AIM2: variants seen among roughly 807,000 people sequenced by gnomAD.
AIM2 encodes the protein absent in melanoma 2.
In AIM2, 30 loss-of-function variants were observed where a neutral mutation model predicts 27.7. The ratio of observed to expected loss-of-function variants is 1.08; its 90% CI spans 0.81 to 1.47. The LOEUF (loss-of-function observed/expected upper bound fraction) is 1.47. Ranked by LOEUF, AIM2 falls within the 40% of genes most tolerant of loss-of-function variation. The probability of loss-of-function intolerance (pLI) is 0.00; values close to 1 mark genes in which losing one functional copy is unlikely to be tolerated. For synonymous variants in AIM2, 141 were observed against 145.3 expected, an observed-to-expected ratio of 0.97 and a Z score of 0.21; for missense variants, 358 against 411.3, an observed-to-expected ratio of 0.87 and a Z score of 1.12.
In AIM2 at chr1:159,073,223, G is replaced by A. The variant is rs1225024945; in HGVS notation, c.262+15C>T. 17 of 1,613,472 alleles carry A rather than the reference G, an allele frequency of 1.1e-5. No homozygotes were observed. The highest frequency in any genetic ancestry group is 7.7e-5 in the South Asian group (7 of 91,086). On this transcript the variant is annotated intron_variant, in intron 2 of 5. Transcript: ENST00000368130. ...CAGAAAAAGGGACGGGGCAGGTGTG[G>A]AACTCCCACATTACCTTTCTCCTTC...
At chr1:159,062,295 T>C (rs1655863020), downstream of AIM2, among the ~76,000 whole-genome samples, 1 of 152,250 alleles carries the variant, frequency 6.6e-6, no homozygotes, top group South Asian at 2.1e-4. Flanking sequence ...TTTCAAATAA[T>C]ACTGCGCTGC....
chr1:159,076,489 C>G (rs1656614951), intron 1 of AIM2, 144 bp downstream of exon 1: 1 of 152,196 alleles, frequency 6.6e-6, no homozygotes, highest in Non-Finnish European at 1.5e-5. Context: ...GAAATGAACC[C>G]ATCCTTTCAG....
At chr1:159,124,783 T>C (rs2814780) in intron 1 of AIM2, among the ~76,000 whole-genome samples, 121,760 of 152,076 alleles carry the variant, frequency 0.8, 50,545 homozygotes, top group East Asian at 0.93. Flanking sequence ...TCTCCCCAGC[T>C]CAGTAGAGCA....
intron 1 of AIM2, 114 bp from the exon 2 acceptor site, chr1:159,073,633 T>C: frequency 9.2e-7 from 1 of 1,091,610 alleles, no homozygotes. Flanking sequence ...TTTGCAGTAG[T>C]AAAAGAGATT....
At chr1:159,066,551 T>C (rs1439212716) in intron 3 of AIM2, among the ~76,000 whole-genome samples, 1 of 152,178 alleles carries the variant, frequency 6.6e-6, no homozygotes, top group Non-Finnish European at 1.5e-5. Context: ...GATAAGACGG[T>C]GTAACACGTT....
chr1:159,086,373 T>A (rs1656911347), intron 1 of AIM2, among the ~76,000 whole-genome samples: 1 of 152,258 alleles, frequency 6.6e-6, no homozygotes, highest in Non-Finnish European at 1.5e-5. Flanking sequence ...ATGCTTTGTT[T>A]GTGACATGAG....
the AIM2 span, among the ~76,000 whole-genome samples, chr1:159,055,865 C>G: frequency 1.3e-5 from 2 of 152,054 alleles, no homozygotes; most frequent in Non-Finnish European, 2.9e-5. Flanking sequence ...CTTTACTCAC[C>G]CTATAATATG....
At chr1:159,070,053 C>A (rs1275223128) in intron 2 of AIM2, among the ~76,000 whole-genome samples, 2 of 152,300 alleles carry the variant, frequency 1.3e-5, no homozygotes, top group South Asian at 2.1e-4. Flanking sequence ...CAGCTTAGTG[C>A]AAGTCACTTC....
intron 5 of AIM2, 31 bp from the exon 6 acceptor site, chr1:159,062,749 G>T: frequency 6.2e-7 from 1 of 1,609,490 alleles, no homozygotes; most frequent in Non-Finnish European, 8.5e-7. Context: ...TGCAGTCTGA[G>T]ATGCAGTCGA....
intron 1 of AIM2, among the ~76,000 whole-genome samples, chr1:159,112,953 T>TAA: frequency 7.6e-6 from 1 of 131,044 alleles, no homozygotes; most frequent in African/African-American, 3.8e-5. Flanking sequence ...ATATATATAA[T>TAA]TTTTTTTTTG....
intron 1 of AIM2, among the ~76,000 whole-genome samples, chr1:159,099,523 G>A (rs972910372): frequency 2.6e-5 from 4 of 152,026 alleles, no homozygotes; most frequent in Non-Finnish European, 5.9e-5. Context: ...AAGACTACTA[G>A]ACCTATCACA....
chr1:159,143,581 TACACACACACAC>T (rs6143439), upstream of AIM2, among the ~76,000 whole-genome samples: 10,784 of 144,006 alleles, frequency 0.075, 524 homozygotes, highest in South Asian at 0.27. Flanking sequence ...GCTCAGTGTG[TACACACACACAC>T]ACACACACAC....
intron 1 of AIM2, among the ~76,000 whole-genome samples, chr1:159,095,028 A>C (rs16841682): frequency 0.057 from 8,618 of 152,294 alleles, 559 homozygotes; most frequent in East Asian, 0.31. Context: ...AAAAAAATCC[A>C]GAAAATGTAG....
At chr1:159,065,081 T>C (rs1442319072) in intron 4 of AIM2, among the ~76,000 whole-genome samples, 1 of 152,166 alleles carries the variant, frequency 6.6e-6, no homozygotes, top group African/African-American at 2.4e-5. Flanking sequence ...TATCAATTCC[T>C]TCTGAAACTA....
At chr1:159,090,283 C>T (rs1657016063) in intron 1 of AIM2, among the ~76,000 whole-genome samples, 2 of 152,224 alleles carry the variant, frequency 1.3e-5, no homozygotes. Flanking sequence ...ACATTCAACT[C>T]TTAACTTCAG....
At chr1:159,112,487 C>CT (rs1243884828) in intron 1 of AIM2, among the ~76,000 whole-genome samples, 1 of 152,086 alleles carries the variant, frequency 6.6e-6, no homozygotes, top group Non-Finnish European at 1.5e-5. Context: ...GAGTGGGAGA[C>CT]TACAACACTC....
At chr1:159,059,342 TTTTGGGAAACCAG>T (rs1305944817), downstream of AIM2, among the ~76,000 whole-genome samples, 3 of 152,100 alleles carry the variant, frequency 2.0e-5, no homozygotes, top group Non-Finnish European at 4.4e-5. Context: ...ATTTTGCTCA[TTTTGGGAAACCAG>T]ATTCTGAAGA....
chr1:159,057,896 C>T (rs1365322401), downstream of AIM2, among the ~76,000 whole-genome samples: 1 of 152,138 alleles, frequency 6.6e-6, no homozygotes, highest in Non-Finnish European at 1.5e-5. Flanking sequence ...TCTACATAGG[C>T]CTTTTGGATT....
At chr1:159,132,535 T>G (rs1647915033) in intron 1 of AIM2, among the ~76,000 whole-genome samples, 1 of 152,178 alleles carries the variant, frequency 6.6e-6, no homozygotes, top group Non-Finnish European at 1.5e-5. Flanking sequence ...ACACCCACAT[T>G]TCAAGAATTA....
Sources: gnomAD v4.1 joint callset for allele counts (sites outside exome capture counted in the v4.1 genomes callset) on GRCh38, gnomAD v4.1.1 for gene constraint, MANE v1.5 for transcripts, NCBI Gene and HGNC (gene_info 2026-07-23, HGNC 2026-07-21) for gene names.